Variants in PARP8 observed in about 807,000 individuals in gnomAD.
The protein encoded by PARP8 is poly(ADP-ribose) polymerase family member 8.
A neutral mutation model predicts 124.1 loss-of-function variants in PARP8; 51 were observed. The ratio of observed to expected loss-of-function variants is 0.41; its 90% CI spans 0.33 to 0.52. PARP8 has a LOEUF of 0.52. PARP8 is among the 20% of genes least tolerant of loss of function. The pLI is 0.21. For missense variants in PARP8, 860 were observed against 1,018.9 expected (o/e 0.84, Z 2.12); for synonymous variants, 391 against 361.5 (o/e 1.08, Z -0.93).
intron 19 of PARP8, among the ~76,000 whole-genome samples, 168 bp from the exon 20 acceptor site, chr5:50,827,776 C>T (rs750776359): frequency 4.6e-5 from 7 of 152,080 alleles, no homozygotes; most frequent in Non-Finnish European, 8.8e-5. Flanking sequence ...TTATCACTTG[C>T]GTAGAGTTTT....
At chr5:50,772,667 C>T (rs147715598) in intron 7 of PARP8, among the ~76,000 whole-genome samples, 5 of 151,994 alleles carry the variant, frequency 3.3e-5, no homozygotes, top group South Asian at 2.1e-4. Context: ...AATGCACATT[C>T]GGGTCTTTTG....
intron 2 of PARP8, among the ~76,000 whole-genome samples, chr5:50,711,017 C>G (rs1754716985): frequency 6.6e-6 from 1 of 152,088 alleles, no homozygotes; most frequent in Non-Finnish European, 1.5e-5. Context: ...GAATGCTTTC[C>G]TAGCCTCAGC....
chr5:50,785,357 T>C (rs1302511710), intron 9 of PARP8, among the ~76,000 whole-genome samples: 3 of 152,198 alleles, frequency 2.0e-5, no homozygotes, highest in Non-Finnish European at 2.9e-5. Flanking sequence ...AACCCTTCTT[T>C]CTCTCTTTCT....
chr5:50,801,005 G>T (rs1743152049), intron 14 of PARP8, among the ~76,000 whole-genome samples: 1 of 151,948 alleles, frequency 6.6e-6, no homozygotes, highest in African/African-American at 2.4e-5. Flanking sequence ...GAATCCTCCT[G>T]CCTTAGCCTC....
chr5:50,837,054 T>C (rs1172163517), intron 25 of PARP8, among the ~76,000 whole-genome samples: 1 of 152,202 alleles, frequency 6.6e-6, no homozygotes, highest in African/African-American at 2.4e-5. Context: ...AAAGCCTATC[T>C]GTAGGGATGT....
intron 2 of PARP8, among the ~76,000 whole-genome samples, chr5:50,671,482 C>T (rs546950280): frequency 7.1e-6 from 1 of 140,026 alleles, no homozygotes; most frequent in East Asian, 2.1e-4. Flanking sequence ...TTTAAAAGTA[C>T]ACAAATAAGA....
chr5:50,758,859 A>AGTT, intron 3 of PARP8, among the ~76,000 whole-genome samples: 1 of 151,792 alleles, frequency 6.6e-6, no homozygotes, highest in Non-Finnish European at 1.5e-5. Flanking sequence ...TATTTTTTAA[A>AGTT]GAGGAAACAA....
intron 2 of PARP8, among the ~76,000 whole-genome samples, chr5:50,677,782 G>T (rs1356502105): frequency 6.6e-6 from 1 of 152,112 alleles, no homozygotes; most frequent in African/African-American, 2.4e-5. Flanking sequence ...TATGGCGATA[G>T]TTTTCATAAG....
In PARP8 at chr5:50,834,803, A is replaced by G. The variant is rs1272543395; in HGVS notation, c.2378-128A>G. The G allele has an allele frequency of 8.9e-6, 7 of 784,688 alleles. No homozygotes were observed. In the East Asian group the frequency reaches 1.9e-4, roughly 21 times the overall value. The allele number at this position is 784,688 out of a possible 1,614,324, so 48.6% of individuals were successfully genotyped here. A position where few individuals can be genotyped will look rare whatever the true frequency, so the allele number is the denominator to read the frequency against. Reference sequence around the variant, plus strand: ...TCTTCATAGACAATAAGGCTAAACAATTTTTATGTGTTCATTAGTGCTTGT... The same window carrying G: ...TCTTCATAGACAATAAGGCTAAACAGTTTTTATGTGTTCATTAGTGCTTGT... On this transcript the variant is annotated intron_variant, in intron 24 of 25. Transcript: ENST00000281631.
chr5:50,798,926 T>G (rs182688788), intron 14 of PARP8, among the ~76,000 whole-genome samples: 1 of 152,236 alleles, frequency 6.6e-6, no homozygotes, highest in Admixed American at 6.5e-5. Context: ...TTATTTGTAT[T>G]CTTATTCATG....
chr5:50,798,325 C>A lies in PARP8; in HGVS notation c.1575+1092C>A, dbSNP rs369542457. ...TTCCACTGGCAATGTATGACAGATACAGTCTCTATACATCTTCCCCACGTA... is the reference window on the plus strand; with the variant it reads ...TTCCACTGGCAATGTATGACAGATAAAGTCTCTATACATCTTCCCCACGTA... On this transcript the variant is annotated intron_variant, in intron 14 of 25. Coordinates refer to ENST00000281631, the MANE Select transcript of PARP8 (RefSeq NM_024615.4). Among the ~76,000 whole-genome samples, 299 of 152,204 alleles carry A rather than the reference C, an allele frequency of 2.0e-3. 3 individuals are homozygous for A. The highest frequency in any genetic ancestry group is 6.8e-3 in the African/African-American group (283 of 41,530).
intron 10 of PARP8, among the ~76,000 whole-genome samples, chr5:50,791,463 A>G (rs1187221988): frequency 6.6e-6 from 1 of 152,174 alleles, no homozygotes; most frequent in Non-Finnish European, 1.5e-5. Flanking sequence ...TGCCTCTCAT[A>G]TAATCCTAGA....
At position 50,749,530 on chromosome 5, in the gene PARP8, G is replaced by A. The variant is rs73101059; in HGVS notation, c.147-621G>A. Among the ~76,000 whole-genome samples the A allele has an allele frequency of 9.5e-4, 144 of 152,198 alleles. 1 individual carries two copies. The highest frequency in any genetic ancestry group is 3.3e-3 in the African/African-American group (138 of 41,566). ...ATAGAGGCAGCAGGGTTACTGAGAA[G>A]TGAGTTGTGCAATTGTTAAAATATA... On this transcript the variant is annotated intron_variant, in intron 2 of 25. Coordinates refer to ENST00000281631, the MANE Select transcript of PARP8 (RefSeq NM_024615.4).
rs27244 is a variant in PARP8 at position 50,844,371 on chromosome 5, G to A, written c.*2303G>A. ...ATCTTATTTTTTAATTGAACTTTTT[G>A]AAATTAGGGATACTATAATAACTGA... On this transcript the variant is annotated 3_prime_UTR_variant, in exon 26 of 26. Transcript: ENST00000281631. 0.84 allele frequency: 127,884 copies of A among 151,614 alleles called. 54,326 individuals carry two copies. The highest frequency in any genetic ancestry group is 0.94 in the East Asian group (4,847 of 5,152). The allele number at this position is 151,614 out of a possible 1,614,324, so 9.4% of individuals were successfully genotyped here.
intron 15 of PARP8, among the ~76,000 whole-genome samples, chr5:50,816,476 A>G (rs1334347783): frequency 6.6e-6 from 1 of 152,202 alleles, no homozygotes; most frequent in Non-Finnish European, 1.5e-5. Context: ...CAACAGTTTA[A>G]TAATACAGAT....
chr5:50,827,421 C>T (rs967328083), intron 19 of PARP8, among the ~76,000 whole-genome samples: 1 of 152,086 alleles, frequency 6.6e-6, no homozygotes, highest in African/African-American at 2.4e-5. Flanking sequence ...ATTCTGCTTT[C>T]ATTTCTTTCC....
chr5:50,719,367 A>G (rs999842519), intron 2 of PARP8, among the ~76,000 whole-genome samples: 5 of 151,902 alleles, frequency 3.3e-5, no homozygotes, highest in African/African-American at 1.2e-4. Flanking sequence ...TTGGTTACCT[A>G]TGCTTTTGAT....
intron 25 of PARP8, among the ~76,000 whole-genome samples, chr5:50,838,307 TG>T (rs1233440289): frequency 1.2e-4 from 18 of 152,198 alleles, no homozygotes; most frequent in South Asian, 2.1e-4. Flanking sequence ...TTCACAATTT[TG>T]TCCCAATGCC....
At chr5:50,784,227 A>AT (rs1386615697) in intron 9 of PARP8, among the ~76,000 whole-genome samples, 1 of 152,154 alleles carries the variant, frequency 6.6e-6, no homozygotes, top group Non-Finnish European at 1.5e-5. Context: ...AAACATCAAT[A>AT]TTTGGCTACA....
Sources: gnomAD v4.1 joint callset for allele counts (sites outside exome capture counted in the v4.1 genomes callset) on GRCh38, gnomAD v4.1.1 for gene constraint, MANE v1.5 for transcripts, NCBI Gene and HGNC (gene_info 2026-07-23, HGNC 2026-07-21) for gene names.